The following ZNF385D variants were observed in gnomAD, a reference collection of about 807,000 sequenced individuals.
The protein encoded by ZNF385D is zinc finger protein 385D, also known as zinc finger protein 659.
In ZNF385D, 15 loss-of-function variants were observed where a neutral mutation model predicts 35.8. That is an observed-to-expected ratio of 0.42 (90% CI 0.28 to 0.64). The LOEUF (loss-of-function observed/expected upper bound fraction) is 0.64. Among genes scored for constraint, ZNF385D ranks in the 30% least tolerant of loss-of-function variants. The probability of loss-of-function intolerance (pLI) is 0.23; values close to 1 mark genes in which losing one functional copy is unlikely to be tolerated. For synonymous variants in ZNF385D, 212 were observed against 186.8 expected (o/e 1.13, Z -1.10); for missense variants, 474 against 494.6 (o/e 0.96, Z 0.39).
intron 2 of ZNF385D, among the ~76,000 whole-genome samples, chr3:22,255,684 T>C (rs1700279361): frequency 1.3e-5 from 2 of 152,032 alleles, no homozygotes; most frequent in African/African-American, 4.8e-5. Context: ...GCTAGCATTA[T>C]CCATTTCATA....
intron 3 of ZNF385D, among the ~76,000 whole-genome samples, chr3:21,970,682 G>C (rs568156063): frequency 6.6e-6 from 1 of 152,078 alleles, no homozygotes; most frequent in South Asian, 2.1e-4. Context: ...TCCAAACCTA[G>C]AGAAAAACAT....
At chr3:22,012,029 GA>G (rs998606178) in intron 3 of ZNF385D, among the ~76,000 whole-genome samples, 27 of 152,120 alleles carry the variant, frequency 1.8e-4, no homozygotes, top group African/African-American at 6.5e-4. Context: ...ACATGTGCAT[GA>G]TATTATCAGA....
At chr3:22,243,126 A>G (rs1318320639) in intron 2 of ZNF385D, among the ~76,000 whole-genome samples, 1 of 151,018 alleles carries the variant, frequency 6.6e-6, no homozygotes, top group Non-Finnish European at 1.5e-5. Context: ...CAAATCATAT[A>G]TGTGGTAAGG....
chr3:21,699,763 CA>C (rs2067605992), intron 1 of ZNF385D, among the ~76,000 whole-genome samples: 1 of 147,516 alleles, frequency 6.8e-6, no homozygotes, highest in African/African-American at 2.5e-5. Flanking sequence ...AATATGACTA[CA>C]AGAAAATTTA....
At chr3:21,492,270 A>C (rs1040941957) in intron 4 of ZNF385D, among the ~76,000 whole-genome samples, 1 of 152,284 alleles carries the variant, frequency 6.6e-6, no homozygotes, top group Admixed American at 6.5e-5. Context: ...AATAGCTTAA[A>C]AATCAATAGC....
chr3:22,306,091 A>C (rs892410768), intron 2 of ZNF385D, among the ~76,000 whole-genome samples: 2 of 152,118 alleles, frequency 1.3e-5, no homozygotes, highest in African/African-American at 4.8e-5. Context: ...GAAAACTACA[A>C]AAGTCAGAAT....
intron 3 of ZNF385D, among the ~76,000 whole-genome samples, chr3:22,006,286 C>T (rs915337298): frequency 6.6e-6 from 1 of 152,014 alleles, no homozygotes; most frequent in Non-Finnish European, 1.5e-5. Context: ...ATCTCCATTA[C>T]AAAAAAGTCA....
At chr3:21,660,145 T>C (rs2066194581) in intron 2 of ZNF385D, among the ~76,000 whole-genome samples, 1 of 152,012 alleles carries the variant, frequency 6.6e-6, no homozygotes, top group Admixed American at 6.6e-5. Context: ...CTTCCCCACC[T>C]CCTCTCTTTG....
intron 2 of ZNF385D, among the ~76,000 whole-genome samples, chr3:22,290,211 G>A (rs1702230715): frequency 6.6e-6 from 1 of 152,080 alleles, no homozygotes; most frequent in Non-Finnish European, 1.5e-5. Flanking sequence ...GAAGCTGGGT[G>A]TTGGGAATTC....
chr3:22,035,874 C>T (rs1018355702), intron 3 of ZNF385D, among the ~76,000 whole-genome samples: 8 of 151,822 alleles, frequency 5.3e-5, no homozygotes, highest in Non-Finnish European at 1.0e-4. Context: ...AGTGGAAACA[C>T]GTAGTTTGCC....
In ZNF385D at chr3:21,499,646, GA is replaced by G. The variant is rs1189961872; in HGVS notation, c.439+11214del. 2.5e-3 allele frequency among the ~76,000 whole-genome samples: 346 copies of G among 135,818 alleles called. 8 individuals carry two copies. In the East Asian group the frequency reaches 0.05, roughly 20 times the overall value. 89.1% of individuals were successfully genotyped at this position (135,818 alleles called of 152,430 possible). A position where few individuals can be genotyped will look rare whatever the true frequency, so the allele number is the denominator to read the frequency against. The stretch of plus-strand genomic sequence containing the variant: ...AACCTAATAAAAGGGTTTTTAATTT[GA>G]AAAAAAAAAACCAAAAAACGAAAAA... On this transcript the variant is annotated intron_variant, in intron 4 of 7. Transcript: ENST00000281523.
chr3:22,334,880 T>C (rs913958354), intron 2 of ZNF385D, among the ~76,000 whole-genome samples: 14 of 152,310 alleles, frequency 9.2e-5, no homozygotes, highest in African/African-American at 3.1e-4. Flanking sequence ...TGCTGATTTC[T>C]TCAAATATTA....
chr3:21,477,493 G>A (rs1704330752), intron 4 of ZNF385D, among the ~76,000 whole-genome samples: 1 of 152,028 alleles, frequency 6.6e-6, no homozygotes. Flanking sequence ...ATATTTAAAT[G>A]AATAATTTAG....
intron 2 of ZNF385D, among the ~76,000 whole-genome samples, chr3:21,632,749 G>T (rs1575361554): frequency 6.6e-6 from 1 of 152,102 alleles, no homozygotes; most frequent in African/African-American, 2.4e-5. Flanking sequence ...ATCTCTGCTG[G>T]ATTGGCTGTG....
At chr3:21,941,289 G>A (rs990274304) in intron 3 of ZNF385D, among the ~76,000 whole-genome samples, 2 of 151,660 alleles carry the variant, frequency 1.3e-5, no homozygotes, top group South Asian at 4.2e-4. Context: ...GTTATTATGA[G>A]AATACCAATA....
At chr3:22,245,997 G>A (rs17029480) in intron 2 of ZNF385D, among the ~76,000 whole-genome samples, 1,892 of 152,168 alleles carry the variant, frequency 0.012, 37 homozygotes, top group African/African-American at 0.043. Flanking sequence ...CAGTGACAGT[G>A]CCACGAAGCC....
intron 3 of ZNF385D, among the ~76,000 whole-genome samples, chr3:22,014,387 G>A (rs76451436): frequency 4.6e-5 from 7 of 151,988 alleles, no homozygotes; most frequent in Non-Finnish European, 8.8e-5. Flanking sequence ...GTGAAATCTC[G>A]AAAGATAACA....
intron 3 of ZNF385D, chr3:21,978,421 T>G (rs1052766238): frequency 6.6e-6 from 1 of 152,222 alleles, no homozygotes; most frequent in Admixed American, 6.5e-5. Context: ...AATTTATTTA[T>G]TTTTGCTTTA....
rs190228368 is a variant in ZNF385D, at chr3:22,042,456, G to A, written c.325+126361C>T. 1.2e-4 allele frequency among the ~76,000 whole-genome samples: 18 copies of A among 152,024 alleles called. No homozygotes were observed. In the East Asian group the frequency reaches 1.5e-3, roughly 13 times the overall value. On this transcript the variant is annotated intron_variant, in intron 3 of 5. Transcript: ENST00000494108. ...CTAAAAAAAAAAGTTTTTCCTTTGT[G>A]TTACAAAACATATGGTAGGTTGAGC...
Sources: allele counts gnomAD v4.1 joint callset (sites outside exome capture counted in the v4.1 genomes callset), GRCh38; gene constraint gnomAD v4.1.1; transcripts MANE v1.5; gene names NCBI Gene and HGNC (gene_info 2026-07-23, HGNC 2026-07-21).